Variants in SERPINA12 observed in about 807,000 individuals in gnomAD.
The protein encoded by SERPINA12 is serpin A12.
In SERPINA12, 21 loss-of-function variants were observed where a neutral mutation model predicts 25.9. The ratio of observed to expected loss-of-function variants is 0.81; its 90% confidence interval spans 0.58 to 1.17. The LOEUF (loss-of-function observed/expected upper bound fraction) is 1.17. Ranked by LOEUF, SERPINA12 falls within the 50% of genes most tolerant of loss-of-function variation. The pLI, the probability that SERPINA12 is intolerant of heterozygous loss-of-function variation, is 0.00. For missense variants in SERPINA12, 562 were observed against 508.3 expected (o/e 1.11, Z -1.02); for synonymous variants, 220 against 196.0 (o/e 1.12, Z -1.02).
chr14:94,491,000 A>G (rs982577150), intron 3 of SERPINA12, among the ~76,000 whole-genome samples: 3 of 152,020 alleles, frequency 2.0e-5, no homozygotes, highest in African/African-American at 4.8e-5. Context: ...ATCCCCATAC[A>G]TGTCATTCAG....
intron 1 of SERPINA12, among the ~76,000 whole-genome samples, 132 bp downstream of exon 1, chr14:94,509,210 G>A (rs1288034781): frequency 2.0e-5 from 3 of 150,842 alleles, no homozygotes; most frequent in African/African-American, 2.4e-5. Context: ...TGAGAAGGAC[G>A]CAGAATGTCT....
intron 2 of SERPINA12, among the ~76,000 whole-genome samples, chr14:94,497,016 T>A (rs1253440788): frequency 6.6e-6 from 1 of 152,204 alleles, no homozygotes; most frequent in Non-Finnish European, 1.5e-5. Context: ...TCAATCTGCC[T>A]GTGGATTTTG....
chr14:94,515,363 G>A (rs1028048860), intron 2 of SERPINA12, among the ~76,000 whole-genome samples: 1 of 152,166 alleles, frequency 6.6e-6, no homozygotes, highest in Non-Finnish European at 1.5e-5. Flanking sequence ...GGAACCCGGA[G>A]TTTCTACATC....
chr14:94,514,125 G>C (rs74990147), upstream of SERPINA12, among the ~76,000 whole-genome samples: 6,170 of 152,352 alleles, frequency 0.04, 422 homozygotes, highest in African/African-American at 0.14. Context: ...CCCTGGGACA[G>C]TGCCTGGACT....
chr14:94,504,833 AC>A (rs1566814119), intron 1 of SERPINA12, among the ~76,000 whole-genome samples: 1 of 152,154 alleles, frequency 6.6e-6, no homozygotes, highest in Non-Finnish European at 1.5e-5. Flanking sequence ...CCTCCCCCTT[AC>A]TTTTCTATAT....
chr14:94,503,724 C>T (rs889707336), intron 1 of SERPINA12, among the ~76,000 whole-genome samples: 1 of 152,242 alleles, frequency 6.6e-6, no homozygotes, highest in Non-Finnish European at 1.5e-5. Context: ...GCTGCTTCGC[C>T]TCACTTTCTC....
At chr14:94,501,168 G>A (rs1900704168) in intron 1 of SERPINA12, 3 of 985,358 alleles carry the variant, frequency 3.0e-6, no homozygotes, top group Non-Finnish European at 3.6e-6. Context: ...TCAGGGTTTA[G>A]GGGGCTGCAC....
chr14:94,495,862 G>A (rs1900395254), intron 3 of SERPINA12, among the ~76,000 whole-genome samples: 1 of 152,172 alleles, frequency 6.6e-6, no homozygotes. Flanking sequence ...TGTAGGCTTA[G>A]CATTAATCTA....
At chr14:94,490,048 CCA>C (rs1354187657) in intron 3 of SERPINA12, among the ~76,000 whole-genome samples, 1 of 152,120 alleles carries the variant, frequency 6.6e-6, no homozygotes, top group Non-Finnish European at 1.5e-5. Flanking sequence ...GCCCCTTCAG[CCA>C]CAGTCACTGA....
intron 1 of SERPINA12, chr14:94,503,119 A>T (rs2139859076): frequency 1.2e-6 from 1 of 850,176 alleles, no homozygotes; most frequent in South Asian, 5.4e-5. Flanking sequence ...TAAAGGACTG[A>T]TATTGCTTTA....
upstream of SERPINA12, chr14:94,511,643 C>A (rs1291253736): frequency 1.0e-6 from 1 of 985,308 alleles, no homozygotes; most frequent in East Asian, 1.1e-4. Flanking sequence ...TGGAAGGTGT[C>A]CCACCCACCT....
At chr14:94,504,770 T>G (rs980317849) in intron 1 of SERPINA12, among the ~76,000 whole-genome samples, 22 of 152,364 alleles carry the variant, frequency 1.4e-4, no homozygotes, top group African/African-American at 4.8e-4. Flanking sequence ...AGACTATGGT[T>G]GGGTTCTCTT....
chr14:94,500,428 C>T (rs1346833937), intron 1 of SERPINA12, among the ~76,000 whole-genome samples: 1 of 152,132 alleles, frequency 6.6e-6, no homozygotes, highest in Non-Finnish European at 1.5e-5. Flanking sequence ...CCTCCCAGCT[C>T]CAAGGGAGGG....
chr14:94,510,253 A>G (rs1595701259), upstream of SERPINA12: 1 of 985,436 alleles, frequency 1.0e-6, no homozygotes, highest in East Asian at 1.1e-4. Flanking sequence ...TTCACTTAAA[A>G]TAATATAGAC....
chr14:94,502,506 C>A (rs1394749622), intron 1 of SERPINA12, among the ~76,000 whole-genome samples: 1 of 152,130 alleles, frequency 6.6e-6, no homozygotes, highest in Non-Finnish European at 1.5e-5. Context: ...CCGTTATCAC[C>A]ACAGTTTGAA....
chr14:94,512,201 A>G (rs1004819056), upstream of SERPINA12, among the ~76,000 whole-genome samples: 4 of 152,080 alleles, frequency 2.6e-5, no homozygotes, highest in African/African-American at 9.7e-5. Flanking sequence ...CCAAACAAAA[A>G]AAGCCGCAGC....
At chr14:94,503,266 C>T (rs990425946) in intron 1 of SERPINA12, 4 of 984,980 alleles carry the variant, frequency 4.1e-6, no homozygotes, top group Admixed American at 6.1e-5. Context: ...CTGATGACCA[C>T]AGCAATATAC....
upstream of SERPINA12, chr14:94,510,042 C>T (rs184167449): frequency 9.9e-5 from 98 of 985,406 alleles, no homozygotes; most frequent in East Asian, 3.2e-3. Flanking sequence ...ACCCCACTCC[C>T]GAGCTCTGGG....
intron 3 of SERPINA12, among the ~76,000 whole-genome samples, chr14:94,493,905 G>T (rs1035504840): frequency 2.6e-5 from 4 of 152,190 alleles, no homozygotes; most frequent in Admixed American, 2.6e-4. Flanking sequence ...GTTGGTGGTG[G>T]CCTGATGGTG....
Sources: allele counts gnomAD v4.1 joint callset (sites outside exome capture counted in the v4.1 genomes callset), GRCh38; gene constraint gnomAD v4.1.1; transcripts MANE v1.5; gene names NCBI Gene and HGNC (gene_info 2026-07-23, HGNC 2026-07-21).